GRIK2: variants seen among roughly 807,000 people sequenced by gnomAD.
GRIK2 encodes the protein glutamate receptor ionotropic, kainate 2.
GRIK2 carries 32 observed loss-of-function variants against 100.3 expected under a neutral mutation model. The observed-to-expected ratio is 0.32, with a 90% CI of 0.24 to 0.43. GRIK2 has a LOEUF of 0.43. GRIK2 is among the 20% of genes least tolerant of loss of function. The pLI is 1.00. For synonymous variants in GRIK2, 417 were observed against 389.4 expected (o/e 1.07, Z -0.83); for missense variants, 843 against 1,114.9 (o/e 0.76, Z 3.47).
At chr6:101,988,310 T>C (rs1327586785) in intron 14 of GRIK2, among the ~76,000 whole-genome samples, 1 of 151,872 alleles carries the variant, frequency 6.6e-6, no homozygotes, top group Non-Finnish European at 1.5e-5. Flanking sequence ...AAACTGGTTT[T>C]TGAAATGACT....
chr6:101,456,725 A>G (rs1051328994), intron 2 of GRIK2, among the ~76,000 whole-genome samples: 8 of 151,756 alleles, frequency 5.3e-5, no homozygotes, highest in Admixed American at 2.0e-4. Context: ...AATGTAAGCT[A>G]TGTTCTTTAG....
chr6:101,904,521 T>C (rs1288612606), intron 12 of GRIK2, among the ~76,000 whole-genome samples: 2 of 151,476 alleles, frequency 1.3e-5, no homozygotes, highest in Non-Finnish European at 3.0e-5. Context: ...GACAACCTGT[T>C]ATTATTTATT....
chr6:101,740,050 T>C (rs930977632), intron 7 of GRIK2, among the ~76,000 whole-genome samples: 1 of 152,144 alleles, frequency 6.6e-6, no homozygotes, highest in African/African-American at 2.4e-5. Context: ...CTGGGAATGA[T>C]ATGGTGGAGA....
chr6:101,863,157 C>T (rs151158570), intron 11 of GRIK2, among the ~76,000 whole-genome samples: 20 of 152,286 alleles, frequency 1.3e-4, no homozygotes, highest in African/African-American at 4.8e-4. Flanking sequence ...CTATTATATA[C>T]TTCCTGCCTT....
At position 101,616,870 on chromosome 6, in the gene GRIK2, G is replaced by A. The variant is rs187891819; in HGVS notation, c.116-5079G>A. Among the ~76,000 whole-genome samples the A allele has an allele frequency of 4.3e-3, 658 of 151,274 alleles. 7 individuals are homozygous for A. Among genetic ancestry groups the A allele is most frequent in the South Asian group, 0.017 (80 of 4,802 alleles). On this transcript the variant is annotated intron_variant, in intron 2 of 16. Transcript: ENST00000369134. The stretch of plus-strand genomic sequence containing the variant: ...TTTTGAACATTTTCTTACATTTAGC[G>A]GTTATTTGCATTTATTATTTATGAA...
At position 102,024,864 on chromosome 6, in the gene GRIK2, T is replaced by C. The variant is rs1157609141; in HGVS notation, c.2086-10477T>C. ...AAATAAGTACAAGTCTAGTTATTCT[T>C]AATTAAACTGATTTGATCATTACAA... On this transcript the variant is annotated intron_variant, in intron 14 of 16. Coordinates refer to ENST00000369134, the MANE Select transcript of GRIK2 (RefSeq NM_021956.5). 8.6e-5 allele frequency among the ~76,000 whole-genome samples: 13 copies of C among 150,442 alleles called. No homozygotes were observed. In the Admixed American group the frequency reaches 8.6e-4, roughly 10 times the overall value.
At chr6:101,638,727 T>G (rs1033284906) in intron 4 of GRIK2, among the ~76,000 whole-genome samples, 5 of 152,074 alleles carry the variant, frequency 3.3e-5, no homozygotes, top group African/African-American at 1.2e-4. Context: ...ATGACATATG[T>G]AGATGTTTCA....
chr6:101,727,742 G>A (rs1774972354), intron 7 of GRIK2, among the ~76,000 whole-genome samples: 1 of 151,956 alleles, frequency 6.6e-6, no homozygotes, highest in African/African-American at 2.4e-5. Flanking sequence ...AAGAGAAGAG[G>A]TGATAATGTG....
chr6:101,892,457 T>G (rs180695759), intron 12 of GRIK2, among the ~76,000 whole-genome samples: 1 of 152,246 alleles, frequency 6.6e-6, no homozygotes. Context: ...TCTGTACTGA[T>G]TTTACGTGAA....
intron 2 of GRIK2, among the ~76,000 whole-genome samples, chr6:101,549,235 A>G (rs1776393414): frequency 1.3e-5 from 2 of 149,230 alleles, no homozygotes; most frequent in African/African-American, 2.5e-5. Context: ...ATAATGCCTC[A>G]TTGGATGATC....
chr6:101,949,051 A>C (rs895056794), intron 14 of GRIK2, among the ~76,000 whole-genome samples: 6 of 152,182 alleles, frequency 3.9e-5, no homozygotes, highest in Non-Finnish European at 7.3e-5. Flanking sequence ...ATTCAAATAT[A>C]CACACCCATT....
chr6:101,443,032 A>C (rs1770167447), intron 2 of GRIK2, among the ~76,000 whole-genome samples: 1 of 152,186 alleles, frequency 6.6e-6, no homozygotes, highest in Non-Finnish European at 1.5e-5. Flanking sequence ...CTCCATTTGC[A>C]TCACACTATT....
chr6:101,789,288 A>G (rs1347051415), intron 7 of GRIK2, among the ~76,000 whole-genome samples: 2 of 152,174 alleles, frequency 1.3e-5, no homozygotes, highest in African/African-American at 4.8e-5. Flanking sequence ...GCCCATGCCT[A>G]TGTCCTGAAT....
At chr6:101,711,710 T>C (rs1224043484) in intron 7 of GRIK2, among the ~76,000 whole-genome samples, 2 of 151,804 alleles carry the variant, frequency 1.3e-5, no homozygotes, top group Non-Finnish European at 2.9e-5. Context: ...GGAAGTGTGT[T>C]ATGACAGATA....
At chr6:101,779,688 A>G (rs748554788) in intron 7 of GRIK2, among the ~76,000 whole-genome samples, 4 of 152,160 alleles carry the variant, frequency 2.6e-5, no homozygotes, top group Non-Finnish European at 5.9e-5. Context: ...TCTGGCTGGT[A>G]CCTACCTAAT....
At chr6:101,818,544 A>C (rs1431072936) in intron 10 of GRIK2, 61 bp downstream of exon 10, 1 of 888,752 alleles carries the variant, frequency 1.1e-6, no homozygotes, top group Non-Finnish European at 1.9e-6. Flanking sequence ...AGTGCATAGA[A>C]AAGGACATTA....
At chr6:101,761,353 CT>C (rs533556023) in intron 7 of GRIK2, among the ~76,000 whole-genome samples, 7 of 151,404 alleles carry the variant, frequency 4.6e-5, no homozygotes, top group Non-Finnish European at 1.0e-4. Flanking sequence ...GTCATTTCTT[CT>C]TTTTTTTTCC....
At chr6:101,484,057 C>T (rs1195357512) in intron 2 of GRIK2, among the ~76,000 whole-genome samples, 1 of 152,130 alleles carries the variant, frequency 6.6e-6, no homozygotes, top group Non-Finnish European at 1.5e-5. Flanking sequence ...TAACCTGAAT[C>T]TTTTTTCTCT....
intron 4 of GRIK2, among the ~76,000 whole-genome samples, chr6:101,635,917 T>G (rs1780986829): frequency 6.6e-6 from 1 of 152,116 alleles, no homozygotes; most frequent in South Asian, 2.1e-4. Context: ...TGTAAATTAG[T>G]TCAACCATTG....
Sources: gnomAD v4.1 joint callset for allele counts (sites outside exome capture counted in the v4.1 genomes callset) on GRCh38, gnomAD v4.1.1 for gene constraint, MANE v1.5 for transcripts, NCBI Gene and HGNC (gene_info 2026-07-23, HGNC 2026-07-21) for gene names.